IGBP1: variants seen among roughly 807,000 people sequenced by gnomAD.
The protein encoded by IGBP1 is immunoglobulin-binding protein 1.
IGBP1 carries 2 observed loss-of-function variants against 25.9 expected under a neutral mutation model. That is an observed-to-expected ratio of 0.08 (90% CI 0.03 to 0.24). The LOEUF is 0.24. IGBP1 is among the 10% of genes least tolerant of loss of function. The probability of loss-of-function intolerance (pLI) is 1.00; values close to 1 mark genes in which losing one functional copy is unlikely to be tolerated. For missense variants in IGBP1, 187 were observed against 260.4 expected (o/e 0.72, Z 1.94); for synonymous variants, 96 against 93.4 (o/e 1.03, Z -0.16).
At chrX:70,159,144 G>C (rs1010966073) in intron 6 of IGBP1, among the ~76,000 whole-genome samples, 1 of 111,696 alleles carries the variant, frequency 9.0e-6, no homozygotes, top group Admixed American at 9.5e-5. Context: ...TGGGGAACAT[G>C]AATCATTTCA....
At chrX:70,155,409 C>T (rs1333742355) in intron 6 of IGBP1, among the ~76,000 whole-genome samples, 2 of 105,509 alleles carry the variant, frequency 1.9e-5, no homozygotes, top group Admixed American at 1.0e-4. Flanking sequence ...GCAGGAGAAT[C>T]GCTTGAACCC....
At chrX:70,140,952 T>C (rs754846312) in intron 3 of IGBP1, among the ~76,000 whole-genome samples, 1 of 111,255 alleles carries the variant, frequency 9.0e-6, no homozygotes, top group Non-Finnish European at 1.9e-5. Context: ...TTGGTGTAGA[T>C]GAGTTTGCCA....
At chrX:70,165,080 C>T in intron 6 of IGBP1, 1 of 111,402 alleles carries the variant, frequency 9.0e-6, no homozygotes, top group Non-Finnish European at 1.9e-5. Flanking sequence ...GACTCCTGAG[C>T]TGTTAGAAGA....
At chrX:70,149,882 C>G (rs748856011) in intron 5 of IGBP1, among the ~76,000 whole-genome samples, 11 of 111,324 alleles carry the variant, frequency 9.9e-5, no homozygotes, top group Non-Finnish European at 2.1e-4. Context: ...GTTTTCTGTA[C>G]CTTTCAGAGT....
At chrX:70,148,539 A>G in intron 4 of IGBP1, 1 of 399,781 alleles carries the variant, frequency 2.5e-6, no homozygotes, top group Non-Finnish European at 4.4e-6. Flanking sequence ...GATTCCTGGG[A>G]GAACTTTCTC....
rs750754723 is a variant in IGBP1, at chrX:70,162,442, C to T, written c.872-3391C>T. On this transcript the variant is annotated intron_variant, in intron 6 of 6. Transcript: ENST00000356413. Reference sequence around the variant, plus strand: ...GTACTGTGGTGACCTGGATAGGATCCTGGAACGGAAAAGGGACATTAGGTA... The same window carrying T: ...GTACTGTGGTGACCTGGATAGGATCTTGGAACGGAAAAGGGACATTAGGTA... 3.6e-5 allele frequency among the ~76,000 whole-genome samples: 4 copies of T among 111,780 alleles called. No homozygotes were observed. The South Asian group carries it at 1.5e-3, about 42-fold the overall frequency.
intron 3 of IGBP1, among the ~76,000 whole-genome samples, chrX:70,141,573 G>A (rs1429360358): frequency 9.0e-6 from 1 of 111,541 alleles, no homozygotes; most frequent in Middle Eastern, 4.6e-3. Context: ...TACTAATTAT[G>A]TCGTTGTATA....
intron 3 of IGBP1, among the ~76,000 whole-genome samples, chrX:70,141,412 G>A (rs1356653731): frequency 2.7e-5 from 3 of 110,693 alleles, no homozygotes; most frequent in Non-Finnish European, 5.7e-5. Context: ...GAAAACAAAT[G>A]TTATGTCCTC....
chrX:70,153,443 A>G (rs1429642975), intron 6 of IGBP1, among the ~76,000 whole-genome samples: 1 of 112,019 alleles, frequency 8.9e-6, no homozygotes. Context: ...TAAAAACTAT[A>G]CGTAGCTTCT....
At chrX:70,165,198 A>G (rs1241330903) in intron 6 of IGBP1, 1 of 112,274 alleles carries the variant, frequency 8.9e-6, no homozygotes, top group Non-Finnish European at 1.9e-5. Context: ...AAAAAATGCA[A>G]AAGAGATGCA....
chrX:70,133,687 C>A, intron 1 of IGBP1, 36 bp from the exon 2 acceptor site: 1 of 434,033 alleles, frequency 2.3e-6, no homozygotes, highest in South Asian at 3.6e-5. Flanking sequence ...GGTAAAACAG[C>A]GCCTAGGGTT....
intron 6 of IGBP1, among the ~76,000 whole-genome samples, chrX:70,163,156 C>A (rs750746038): frequency 6.5e-4 from 72 of 110,813 alleles, no homozygotes; most frequent in African/African-American, 2.3e-3. Context: ...TACAGCCATG[C>A]ACTACCATGC....
chrX:70,155,993 G>A (rs1484488371), intron 6 of IGBP1, among the ~76,000 whole-genome samples: 2 of 111,474 alleles, frequency 1.8e-5, no homozygotes, highest in East Asian at 5.6e-4. Context: ...GTGTCTCAAG[G>A]AACAGAGAGG....
chrX:70,165,999 A>T lies in IGBP1; in HGVS notation c.*18A>T, dbSNP rs766673554. ...TGGGCTGATCTTCCCACAACACCAC[A>T]GGACTGCAGGGTGCACAACTCCCCT... is the stretch of plus-strand genomic sequence containing the variant. On this transcript the variant is annotated 3_prime_UTR_variant, in exon 7 of 7. Transcript: ENST00000356413. The T allele has an allele frequency of 1.7e-6, 2 of 1,208,866 alleles. No individual in the cohort carries two copies. The highest frequency in any genetic ancestry group is 3.5e-5 in the South Asian group (2 of 56,744).
intron 4 of IGBP1, 147 bp downstream of exon 4, chrX:70,146,975 T>C (rs988542381): frequency 1.8e-5 from 9 of 487,677 alleles, no homozygotes; most frequent in African/African-American, 1.7e-4. Context: ...GCTTTCTCTT[T>C]AATTTAATGT....
chrX:70,147,118 C>A (rs2085171501), intron 4 of IGBP1, among the ~76,000 whole-genome samples: 2 of 111,463 alleles, frequency 1.8e-5, no homozygotes, highest in Admixed American at 1.9e-4. Context: ...TGAGGGAAGG[C>A]ATAGGGAGTT....
chrX:70,133,912 C>T lies in IGBP1; in HGVS notation c.-36C>T, dbSNP rs753042169. 2 of 1,188,625 alleles carry T rather than the reference C, an allele frequency of 1.7e-6. No individual in the cohort carries two copies. The highest frequency in any genetic ancestry group is 3.6e-5 in the South Asian group (2 of 55,489). ...TCTTTATCAAGGTTGCCTTTGACCC[C>T]GGAAAAGAGATCTTCCGGGTTCCTC... On this transcript the variant is annotated 5_prime_UTR_variant, in exon 2 of 7. Coordinates refer to ENST00000356413, the MANE Select transcript of IGBP1 (RefSeq NM_001551.3).
intron 6 of IGBP1, among the ~76,000 whole-genome samples, chrX:70,164,488 ACT>A (rs1018866476): frequency 3.2e-4 from 36 of 111,981 alleles, no homozygotes; most frequent in African/African-American, 1.1e-3. Context: ...TAGTTGCACA[ACT>A]CTGTACTAAA....
rs977719091 is a variant in IGBP1 at position 70,151,252 on chromosome X, C to T, written c.871+930C>T. On this transcript the variant is annotated intron_variant, in intron 6 of 6. Coordinates refer to ENST00000356413, the MANE Select transcript of IGBP1 (RefSeq NM_001551.3). ...CTGGGATTACAGGCGTGAACCACCG[C>T]GCCTGGCCCTCCTATCACTTAATAG... is the stretch of plus-strand genomic sequence containing the variant. Among the ~76,000 whole-genome samples the T allele has an allele frequency of 1.3e-4, 15 of 111,887 alleles. No individual in the cohort carries two copies. In the South Asian group the frequency reaches 1.9e-3, roughly 14 times the overall value.
Sources: gnomAD v4.1 joint callset for allele counts (sites outside exome capture counted in the v4.1 genomes callset) on GRCh38, gnomAD v4.1.1 for gene constraint, MANE v1.5 for transcripts, NCBI Gene and HGNC (gene_info 2026-07-23, HGNC 2026-07-21) for gene names.